AVEN: variants seen among roughly 807,000 people sequenced by gnomAD.
AVEN encodes apoptosis and caspase activation inhibitor.
Under a neutral mutation model 38.1 loss-of-function variants are expected in AVEN, and 41 were observed. The observed-to-expected ratio is 1.08, with a 90% confidence interval of 0.84 to 1.40. The LOEUF is 1.40. Among genes scored for constraint, AVEN ranks in the 40% most tolerant of loss-of-function variants. AVEN has a pLI of 0.00. For missense variants in AVEN, 605 were observed against 438.8 expected (o/e 1.38, Z -3.38); for synonymous variants, 206 against 171.8 (o/e 1.20, Z -1.56).
intron 3 of AVEN, among the ~76,000 whole-genome samples, chr15:33,871,675 T>C (rs532293266): frequency 2.7e-4 from 41 of 151,672 alleles, no homozygotes; most frequent in African/African-American, 9.2e-4. Flanking sequence ...TGATCTCTTC[T>C]CTAAATTCAG....
Position 34,013,070 on chromosome 15 carries a change from T to G in AVEN, c.268-9861A>C, listed in dbSNP as rs553194193. 5.8e-4 allele frequency among the ~76,000 whole-genome samples: 85 copies of G among 145,402 alleles called. 1 individual carries two copies. Among genetic ancestry groups the G allele is most frequent in the Middle Eastern group, 3.7e-3 (1 of 272 alleles). On this transcript the variant is annotated intron_variant, in intron 1 of 5. Coordinates refer to ENST00000306730, the MANE Select transcript of AVEN (RefSeq NM_020371.3). ...TCACAGTGGTTTTTTTGTTTGTTTG[T>G]TTGTTTTTTGAGACAGAGTCTCACT...
At chr15:33,858,988 A>G (rs2080038587) in exon 12 of AVEN, 1 of 152,542 alleles carries the variant, frequency 6.6e-6, no homozygotes, top group Non-Finnish European at 1.5e-5. Flanking sequence ...CTGGCTTTTG[A>G]TTTTCCAGGT....
At chr15:34,058,689 A>G (rs1197161700) in intron 5 of AVEN, among the ~76,000 whole-genome samples, 2 of 151,878 alleles carry the variant, frequency 1.3e-5, no homozygotes, top group Non-Finnish European at 2.9e-5. Flanking sequence ...TGCTTTCTTC[A>G]GGCCTTCTCT....
intron 1 of AVEN, among the ~76,000 whole-genome samples, chr15:34,026,603 G>A (rs935318721): frequency 6.6e-6 from 1 of 152,078 alleles, no homozygotes; most frequent in Non-Finnish European, 1.5e-5. Flanking sequence ...AATTTTCCAA[G>A]GAATGATGAA....
intron 1 of AVEN, among the ~76,000 whole-genome samples, chr15:34,015,346 G>A (rs756736556): frequency 2.0e-5 from 3 of 152,014 alleles, no homozygotes; most frequent in Non-Finnish European, 2.9e-5. Flanking sequence ...AGCCAGGTGC[G>A]GTGGCGGGCA....
chr15:34,038,947 C>CCGCTGCGGCTCCGGGCCGCT lies in AVEN; in HGVS notation c.80_99dup (p.Ala34SerfsTer9). ...CCTCCGCCGCCGCCTCTGGCTACCG[C>CCGCTGCGGCTCCGGGCCGCT]CGCTGCGGCTCCGGGCCGCTCGCTG... On this transcript the variant is annotated frameshift_variant, in exon 1 of 6. Coordinates refer to ENST00000306730, the MANE Select transcript of AVEN (RefSeq NM_020371.3). LOFTEE classifies it high-confidence loss of function. 9.0e-7 allele frequency: 1 copy of CCGCTGCGGCTCCGGGCCGCT among 1,105,852 alleles called. No homozygotes were observed. The highest frequency in any genetic ancestry group is 1.1e-6 in the Non-Finnish European group (1 of 911,260). 68.5% of individuals were successfully genotyped at this position (1,105,852 alleles called of 1,614,324 possible).
chr15:33,945,617 C>T (rs527712626), intron 2 of AVEN, among the ~76,000 whole-genome samples: 3 of 152,076 alleles, frequency 2.0e-5, no homozygotes, highest in African/African-American at 4.8e-5. Flanking sequence ...AATGGAGTCT[C>T]GCTCTGTCAC....
At chr15:33,871,589 G>A (rs1312660631) in intron 3 of AVEN, among the ~76,000 whole-genome samples, 2 of 151,934 alleles carry the variant, frequency 1.3e-5, no homozygotes, top group East Asian at 1.9e-4. Context: ...AGACTGTCCA[G>A]TAACCTGGAA....
intron 2 of AVEN, among the ~76,000 whole-genome samples, chr15:33,895,763 A>G (rs1892209139): frequency 6.6e-6 from 1 of 152,210 alleles, no homozygotes; most frequent in African/African-American, 2.4e-5. Context: ...ATTCAAAATG[A>G]TCTTTTAAAA....
exon 5 of AVEN, chr15:34,062,955 G>A: frequency 6.2e-7 from 1 of 1,613,798 alleles, no homozygotes; most frequent in Non-Finnish European, 8.5e-7. Flanking sequence ...TCTCATCATT[G>A]GAATCTTCTC....
chr15:33,942,573 C>T (rs1439561457), intron 2 of AVEN, among the ~76,000 whole-genome samples: 1 of 152,070 alleles, frequency 6.6e-6, no homozygotes, highest in Non-Finnish European at 1.5e-5. Flanking sequence ...GCCTCAGCCT[C>T]CCAAGTAGCT....
chr15:34,035,669 A>T (rs962709771), intron 1 of AVEN, among the ~76,000 whole-genome samples: 1 of 152,234 alleles, frequency 6.6e-6, no homozygotes, highest in African/African-American at 2.4e-5. Flanking sequence ...GAAGGAAAAA[A>T]GAAAAAAAAT....
At chr15:33,913,624 T>A in intron 2 of AVEN, among the ~76,000 whole-genome samples, 1 of 152,182 alleles carries the variant, frequency 6.6e-6, no homozygotes, top group East Asian at 1.9e-4. Flanking sequence ...TCATACAAAT[T>A]ACCTTAAGTC....
chr15:33,935,621 ACTTT>A (rs1894030978), intron 2 of AVEN, among the ~76,000 whole-genome samples: 1 of 152,140 alleles, frequency 6.6e-6, no homozygotes, highest in South Asian at 2.1e-4. Context: ...TCATTAGTCT[ACTTT>A]CTTTTTGTAT....
At chr15:33,958,582 C>A (rs1895046316) in intron 2 of AVEN, among the ~76,000 whole-genome samples, 2 of 146,816 alleles carry the variant, frequency 1.4e-5, no homozygotes, top group African/African-American at 5.3e-5. Flanking sequence ...GACAGCAAGA[C>A]CCTATCTCAA....
At chr15:34,000,420 T>C (rs1897093770) in intron 2 of AVEN, among the ~76,000 whole-genome samples, 1 of 152,154 alleles carries the variant, frequency 6.6e-6, no homozygotes, top group Non-Finnish European at 1.5e-5. Context: ...AATTTAAAAG[T>C]CCAACAGTAC....
chr15:33,870,167 A>G (rs932140581), intron 4 of AVEN, among the ~76,000 whole-genome samples: 1 of 152,136 alleles, frequency 6.6e-6, no homozygotes, highest in African/African-American at 2.4e-5. Context: ...GTACCTCAGT[A>G]CAGCCCTCTC....
At chr15:33,910,837 A>G (rs1360851036) in intron 2 of AVEN, among the ~76,000 whole-genome samples, 2 of 152,230 alleles carry the variant, frequency 1.3e-5, no homozygotes, top group Non-Finnish European at 2.9e-5. Flanking sequence ...GGGGCATCCC[A>G]GTTCTACTGC....
downstream of AVEN, chr15:33,864,270 A>C (rs1889626269): frequency 9.2e-7 from 1 of 1,083,600 alleles, no homozygotes; most frequent in South Asian, 1.4e-5. Context: ...GGTTATCTGA[A>C]ATACATACAT....
Sources: allele counts gnomAD v4.1 joint callset (sites outside exome capture counted in the v4.1 genomes callset), GRCh38; gene constraint gnomAD v4.1.1; transcripts MANE v1.5; gene names NCBI Gene and HGNC (gene_info 2026-07-23, HGNC 2026-07-21).